Variants in PPFIA2 observed in about 807,000 individuals in gnomAD.
PPFIA2 encodes the protein liprin-alpha-2.
Under a neutral mutation model 175.5 loss-of-function variants are expected in PPFIA2, and 46 were observed. The ratio of observed to expected loss-of-function variants is 0.26; its 90% CI spans 0.21 to 0.34. The LOEUF is 0.34. Among genes scored for constraint, PPFIA2 ranks in the 10% least tolerant of loss-of-function variants. The pLI, the probability that PPFIA2 is intolerant of heterozygous loss-of-function variation, is 1.00. For missense variants in PPFIA2, 1,179 were observed against 1,506.1 expected, an observed-to-expected ratio of 0.78 and a Z score of 3.60; for synonymous variants, 568 against 511.4, an observed-to-expected ratio of 1.11 and a Z score of -1.49.
At chr12:81,412,848 A>C (rs1221636203) in intron 7 of PPFIA2, among the ~76,000 whole-genome samples, 1 of 151,942 alleles carries the variant, frequency 6.6e-6, no homozygotes, top group Non-Finnish European at 1.5e-5. Context: ...ATTGACTTCC[A>C]CTTGCCTCTT....
At chr12:81,301,991 G>T (rs1479886178) in intron 22 of PPFIA2, among the ~76,000 whole-genome samples, 3 of 152,148 alleles carry the variant, frequency 2.0e-5, no homozygotes, top group African/African-American at 7.2e-5. Context: ...GGGAGGATCT[G>T]TGTTTTCATA....
intron 4 of PPFIA2, among the ~76,000 whole-genome samples, chr12:81,506,735 C>A (rs916998376): frequency 6.6e-6 from 1 of 152,110 alleles, no homozygotes; most frequent in South Asian, 2.1e-4. Context: ...ATTTGGAAAC[C>A]TTTATTTCTG....
chr12:81,605,076 T>C (rs2060155534), intron 4 of PPFIA2, among the ~76,000 whole-genome samples: 1 of 151,848 alleles, frequency 6.6e-6, no homozygotes, highest in South Asian at 2.1e-4. Flanking sequence ...CCTATGCTTT[T>C]ATATCAGGAA....
At chr12:81,548,883 G>C (rs1489526010) in intron 4 of PPFIA2, among the ~76,000 whole-genome samples, 3 of 152,104 alleles carry the variant, frequency 2.0e-5, no homozygotes, top group Non-Finnish European at 4.4e-5. Context: ...ATTTGGAATA[G>C]ACATCATGAT....
At chr12:81,415,576 T>C in intron 7 of PPFIA2, among the ~76,000 whole-genome samples, 2 of 150,724 alleles carry the variant, frequency 1.3e-5, no homozygotes, top group East Asian at 3.9e-4. Context: ...TAGTTTATAA[T>C]GATTAAAAAA....
chr12:81,431,254 C>A (rs1821075746), intron 7 of PPFIA2: 1 of 152,118 alleles, frequency 6.6e-6, no homozygotes, highest in Admixed American at 6.5e-5. Flanking sequence ...TAAAAGTGTA[C>A]AGGTTTCTGA....
At chr12:81,695,558 A>G (rs2075800770) in intron 3 of PPFIA2, among the ~76,000 whole-genome samples, 1 of 152,162 alleles carries the variant, frequency 6.6e-6, no homozygotes, top group Admixed American at 6.5e-5. Context: ...CAAAACTGTG[A>G]GCCAATTAAA....
At chr12:81,489,759 A>C (rs2059232840) in intron 4 of PPFIA2, among the ~76,000 whole-genome samples, 1 of 151,900 alleles carries the variant, frequency 6.6e-6, no homozygotes, top group South Asian at 2.1e-4. Flanking sequence ...TGTATTTGTT[A>C]TTTGAAATGT....
intron 4 of PPFIA2, among the ~76,000 whole-genome samples, chr12:81,494,537 G>A (rs1397392791): frequency 4.6e-5 from 7 of 151,382 alleles, no homozygotes; most frequent in South Asian, 2.1e-4. Context: ...TCAGTGTGGC[G>A]ATTCCTCAGG....
intron 3 of PPFIA2, among the ~76,000 whole-genome samples, chr12:81,691,624 A>C (rs1053826467): frequency 6.6e-6 from 1 of 152,142 alleles, no homozygotes; most frequent in Non-Finnish European, 1.5e-5. Flanking sequence ...ACTCATTAGG[A>C]GGAAGTATAT....
chr12:81,547,184 G>A (rs572396832), intron 4 of PPFIA2, among the ~76,000 whole-genome samples: 3 of 152,182 alleles, frequency 2.0e-5, no homozygotes, highest in African/African-American at 7.2e-5. Context: ...AGAAACCAAA[G>A]TTATATTGTG....
Position 81,341,169 on chromosome 12 carries a change from T to C in PPFIA2, c.2302A>G (p.Thr768Ala). 6.2e-7 allele frequency: 1 copy of C among 1,612,252 alleles called. No individual in the cohort carries two copies. Among genetic ancestry groups the C allele is most frequent in the Non-Finnish European group, 8.5e-7 (1 of 1,178,732 alleles). The change falls in exon 20 of 33, where the codon ACA (threonine) becomes GCA (alanine). Residue 768 changes from threonine to alanine, a missense_variant. Physicochemically the swap from Thr to Ala is moderately conservative, Grantham distance 58 (BLOSUM62 0). Coordinates refer to ENST00000549396, the MANE Select transcript of PPFIA2 (RefSeq NM_003625.5). The stretch of plus-strand genomic sequence containing the variant: ...GGAGGAGAAGTTTCACATTTAATTG[T>C]TGCTTTGTCCTCTCGACCATCTTCT... ...VEEDGREDKA[T>A]IKCETSPPPT... is the part of the protein sequence containing the mutation.
At chr12:81,447,083 G>A (rs2051430740) in intron 5 of PPFIA2, among the ~76,000 whole-genome samples, 1 of 152,018 alleles carries the variant, frequency 6.6e-6, no homozygotes, top group Non-Finnish European at 1.5e-5. Context: ...CAGATCACGA[G>A]GTCAGGAGAT....
intron 21 of PPFIA2, among the ~76,000 whole-genome samples, chr12:81,336,600 C>G (rs1216604226): frequency 6.6e-6 from 1 of 152,138 alleles, no homozygotes; most frequent in East Asian, 1.9e-4. Context: ...TTCATAGTTT[C>G]ATTTATACAG....
At chr12:81,664,567 G>T (rs1462615378) in intron 4 of PPFIA2, among the ~76,000 whole-genome samples, 2 of 152,040 alleles carry the variant, frequency 1.3e-5, no homozygotes, top group African/African-American at 4.8e-5. Context: ...GGAGAAATAG[G>T]AACACTTTTA....
At chr12:81,490,793 A>G (rs974865098) in intron 4 of PPFIA2, among the ~76,000 whole-genome samples, 2 of 151,880 alleles carry the variant, frequency 1.3e-5, no homozygotes, top group Admixed American at 6.6e-5. Flanking sequence ...TATGCCACTT[A>G]GGCATTTGCT....
At chr12:81,642,602 T>C (rs1227680557) in intron 4 of PPFIA2, among the ~76,000 whole-genome samples, 1 of 124,682 alleles carries the variant, frequency 8.0e-6, no homozygotes, top group Non-Finnish European at 1.7e-5. Flanking sequence ...ATGTAATATA[T>C]ATATACACAC....
At chr12:81,349,533 C>T (rs1177512354) in intron 17 of PPFIA2, among the ~76,000 whole-genome samples, 1 of 151,922 alleles carries the variant, frequency 6.6e-6, no homozygotes, top group Non-Finnish European at 1.5e-5. Context: ...GCTTAACACA[C>T]ATTTGAAAGA....
intron 4 of PPFIA2, among the ~76,000 whole-genome samples, chr12:81,601,959 T>C (rs7980239): frequency 0.013 from 1,993 of 151,998 alleles, 53 homozygotes; most frequent in African/African-American, 0.046. Flanking sequence ...TTTTATACCA[T>C]CCCTTTTATT....
Sources: allele counts gnomAD v4.1 joint callset (sites outside exome capture counted in the v4.1 genomes callset), GRCh38; gene constraint gnomAD v4.1.1; transcripts MANE v1.5; gene names NCBI Gene and HGNC (gene_info 2026-07-23, HGNC 2026-07-21).